MYT1L: variants seen among roughly 807,000 people sequenced by gnomAD.
MYT1L encodes the protein myelin transcription factor 1 like, also known as myelin transcription factor 1-like protein.
Under a neutral mutation model 126.7 loss-of-function variants are expected in MYT1L, and 12 were observed. That is an observed-to-expected ratio of 0.09 (90% CI 0.06 to 0.15). MYT1L has a LOEUF of 0.15. MYT1L is among the 10% of genes least tolerant of loss of function. MYT1L has a pLI of 1.00. For synonymous variants in MYT1L, 541 were observed against 604.2 expected, an observed-to-expected ratio of 0.90 and a Z score of 1.53; for missense variants, 979 against 1,585.2, an observed-to-expected ratio of 0.62 and a Z score of 6.49.
intron 2 of MYT1L, among the ~76,000 whole-genome samples, chr2:2,236,605 A>G (rs1405189642): frequency 1.6e-5 from 2 of 123,400 alleles, no homozygotes; most frequent in Admixed American, 9.3e-5. Context: ...AACCCAACCC[A>G]GCACATCCCA....
At chr2:2,036,429 G>A (rs2066854854) in intron 4 of MYT1L, among the ~76,000 whole-genome samples, 1 of 136,810 alleles carries the variant, frequency 7.3e-6, no homozygotes. Context: ...GGGTGCAGAA[G>A]AGAGCTCCTA....
At chr2:1,923,408 C>A in intron 9 of MYT1L, 145 bp from the exon 10 acceptor site, 1 of 718,628 alleles carries the variant, frequency 1.4e-6, no homozygotes, top group African/African-American at 1.8e-5. Context: ...CCATTTGCAG[C>A]TGGGTTGAAA....
intron 4 of MYT1L, among the ~76,000 whole-genome samples, chr2:2,020,434 G>A (rs374232325): frequency 1.3e-5 from 2 of 152,138 alleles, no homozygotes; most frequent in East Asian, 1.9e-4. Flanking sequence ...GAAGGCGCAC[G>A]TTCACGAACA....
At chr2:2,296,901 C>T (rs958759051) in intron 1 of MYT1L, among the ~76,000 whole-genome samples, 1 of 152,214 alleles carries the variant, frequency 6.6e-6, no homozygotes, top group Non-Finnish European at 1.5e-5. Context: ...AGCAATGCCC[C>T]TGGTGCACAG....
In MYT1L at chr2:1,863,074, A is replaced by T. The variant is rs1298856870; in HGVS notation, c.2712-11371T>A. Reference sequence around the variant, plus strand: ...GGGAATGGTAGCGTGTCCAGATGTGAGATGCTGGGCACCCCATGGAGATGG... The same window carrying T: ...GGGAATGGTAGCGTGTCCAGATGTGTGATGCTGGGCACCCCATGGAGATGG... On this transcript the variant is annotated intron_variant, in intron 18 of 24. Coordinates refer to ENST00000647738, the MANE Select transcript of MYT1L (RefSeq NM_001303052.2). 2.0e-5 allele frequency among the ~76,000 whole-genome samples: 3 copies of T among 152,126 alleles called. No individual in the cohort carries two copies. In the East Asian group the frequency reaches 5.8e-4, roughly 29 times the overall value.
At chr2:2,130,217 C>A (rs559702161) in intron 3 of MYT1L, among the ~76,000 whole-genome samples, 1 of 151,910 alleles carries the variant, frequency 6.6e-6, no homozygotes, top group Non-Finnish European at 1.5e-5. Flanking sequence ...GCACGAGGAG[C>A]TGAGGTAATG....
At chr2:2,044,253 C>T (rs973062806) in intron 4 of MYT1L, among the ~76,000 whole-genome samples, 1 of 152,212 alleles carries the variant, frequency 6.6e-6, no homozygotes, top group Non-Finnish European at 1.5e-5. Context: ...AATCATTGCA[C>T]AATTTTAGTT....
intron 19 of MYT1L, 143 bp downstream of exon 19, chr2:1,851,498 G>T: frequency 2.6e-6 from 2 of 758,086 alleles, no homozygotes; most frequent in Non-Finnish European, 4.5e-6. Flanking sequence ...GGACGTCACT[G>T]CTTTATGGCG....
At chr2:2,032,830 G>A (rs1409108163) in intron 4 of MYT1L, among the ~76,000 whole-genome samples, 7 of 133,854 alleles carry the variant, frequency 5.2e-5, no homozygotes, top group Non-Finnish European at 4.7e-5. Context: ...TCATCCTGTG[G>A]CCCAGAGCAG....
intron 21 of MYT1L, chr2:1,809,847 A>AT: frequency 6.6e-6 from 1 of 152,402 alleles, no homozygotes; most frequent in East Asian, 1.9e-4. Context: ...TTCACAGTGT[A>AT]TGTGGCAGAT....
chr2:1,906,932 A>AATG (rs1258802457), intron 13 of MYT1L, among the ~76,000 whole-genome samples: 1 of 150,412 alleles, frequency 6.6e-6, no homozygotes, highest in Non-Finnish European at 1.5e-5. Context: ...TAATAATAAT[A>AATG]ATAAATAAAT....
intron 8 of MYT1L, among the ~76,000 whole-genome samples, chr2:1,975,621 T>C (rs2060111876): frequency 6.6e-6 from 1 of 152,176 alleles, no homozygotes; most frequent in Non-Finnish European, 1.5e-5. Flanking sequence ...CCCAGCACTT[T>C]GGGAGGCTGA....
intron 21 of MYT1L, among the ~76,000 whole-genome samples, chr2:1,821,752 G>A (rs1457031135): frequency 2.6e-5 from 4 of 152,178 alleles, no homozygotes; most frequent in Admixed American, 6.5e-5. Context: ...CTGGAGTGGC[G>A]GGGAGTGGAG....
At chr2:2,102,349 C>A (rs2078202555) in intron 3 of MYT1L, among the ~76,000 whole-genome samples, 1 of 152,154 alleles carries the variant, frequency 6.6e-6, no homozygotes, top group African/African-American at 2.4e-5. Flanking sequence ...GGTAAATTTT[C>A]TTTTCAAATG....
chr2:1,976,817 G>T (rs545561916), intron 8 of MYT1L, among the ~76,000 whole-genome samples: 2 of 152,082 alleles, frequency 1.3e-5, no homozygotes, highest in Non-Finnish European at 2.9e-5. Flanking sequence ...CTTAGAAAAC[G>T]CTCAGTGAGA....
intron 9 of MYT1L, among the ~76,000 whole-genome samples, chr2:1,931,065 C>T (rs1457729676): frequency 6.6e-6 from 1 of 152,134 alleles, no homozygotes; most frequent in Non-Finnish European, 1.5e-5. Context: ...CTGCACACAC[C>T]CTGCATGTGG....
At chr2:2,055,467 T>G (rs535579100) in intron 3 of MYT1L, among the ~76,000 whole-genome samples, 4 of 152,372 alleles carry the variant, frequency 2.6e-5, no homozygotes, top group African/African-American at 9.6e-5. Flanking sequence ...ATGGGGCTTA[T>G]GCATAAACTT....
chr2:1,874,154 C>T (rs1364610789), intron 18 of MYT1L, among the ~76,000 whole-genome samples: 1 of 151,762 alleles, frequency 6.6e-6, no homozygotes, highest in Non-Finnish European at 1.5e-5. Context: ...TCCTTTCCCT[C>T]CACAAACAAC....
intron 8 of MYT1L, among the ~76,000 whole-genome samples, chr2:1,945,187 A>T (rs1466271051): frequency 6.6e-6 from 1 of 152,192 alleles, no homozygotes; most frequent in Non-Finnish European, 1.5e-5. Flanking sequence ...TTCGTGGATG[A>T]ATGATGGGAC....
Sources: allele counts gnomAD v4.1 joint callset (sites outside exome capture counted in the v4.1 genomes callset), GRCh38; gene constraint gnomAD v4.1.1; transcripts MANE v1.5; gene names NCBI Gene and HGNC (gene_info 2026-07-23, HGNC 2026-07-21).